Variants in CNOT9 observed in about 807,000 individuals in gnomAD.
The protein encoded by CNOT9 is RCD1 required for cell differentiation1 homolog.
Under a neutral mutation model 37.4 loss-of-function variants are expected in CNOT9, and 8 were observed. The ratio of observed to expected loss-of-function variants is 0.21; its 90% confidence interval spans 0.13 to 0.39. The LOEUF (loss-of-function observed/expected upper bound fraction) is 0.39. Ranked by LOEUF, CNOT9 falls within the 10% of genes least tolerant of loss-of-function variation. CNOT9 has a pLI of 1.00. For synonymous variants in CNOT9, 120 were observed against 137.6 expected (o/e 0.87, Z 0.90); for missense variants, 154 against 365.3 (o/e 0.42, Z 4.71).
intron 3 of CNOT9, 49 bp from the exon 4 acceptor site, chr2:218,584,563 C>T (rs1382335134): frequency 7.5e-7 from 1 of 1,337,756 alleles, no homozygotes; most frequent in Non-Finnish European, 1.1e-6. Flanking sequence ...AGTTCAGGAT[C>T]CTTAGAAATC....
At chr2:218,593,479 A>G in intron 7 of CNOT9, 2 of 1,194,912 alleles carry the variant, frequency 1.7e-6, no homozygotes, top group Non-Finnish European at 2.3e-6. Flanking sequence ...CAAAAACTAT[A>G]ACTTTGTTTA....
At chr2:218,569,076 T>C (rs1693844958) in intron 1 of CNOT9, 98 bp downstream of exon 1, 14 of 1,355,720 alleles carry the variant, frequency 1.0e-5, no homozygotes, top group Non-Finnish European at 1.3e-5. Context: ...CCTAGTCTGA[T>C]TTTTTTCTGC....
chr2:218,573,986 T>C (rs1389339078), intron 1 of CNOT9: 2 of 432,572 alleles, frequency 4.6e-6, no homozygotes, highest in Admixed American at 5.1e-5. Context: ...TTTTATGTTT[T>C]TGAGACAGGA....
chr2:218,569,630 G>A (rs555550088), intron 1 of CNOT9, among the ~76,000 whole-genome samples: 1 of 152,280 alleles, frequency 6.6e-6, no homozygotes, highest in Non-Finnish European at 1.5e-5. Context: ...GTATGATGTG[G>A]TACTTAACCC....
chr2:218,572,683 A>G, intron 1 of CNOT9: 1 of 985,374 alleles, frequency 1.0e-6, no homozygotes, highest in Non-Finnish European at 1.2e-6. Flanking sequence ...TCTGTAATGG[A>G]TGTTATGCTT....
At chr2:218,593,589 A>T (rs1331585579) in intron 7 of CNOT9, 1 of 1,494,798 alleles carries the variant, frequency 6.7e-7, no homozygotes, top group East Asian at 2.5e-5. Flanking sequence ...TTAAAAGTTC[A>T]TCTGATAATA....
intron 4 of CNOT9, among the ~76,000 whole-genome samples, chr2:218,586,828 A>C (rs1694611857): frequency 6.6e-6 from 1 of 152,096 alleles, no homozygotes; most frequent in Non-Finnish European, 1.5e-5. Flanking sequence ...ATGAGACAAT[A>C]AATTTCAGTT....
intron 1 of CNOT9, chr2:218,573,929 C>CA: frequency 3.1e-6 from 1 of 320,160 alleles, no homozygotes; most frequent in South Asian, 2.3e-5. Context: ...AGTTTTTTAA[C>CA]ACACTTATTA....
chr2:218,593,423 G>A (rs1449785300), intron 7 of CNOT9: 4 of 617,488 alleles, frequency 6.5e-6, no homozygotes, highest in Non-Finnish European at 7.6e-6. Flanking sequence ...GTTTAAAAAT[G>A]TGTTTATTTA....
Position 218,594,443 on chromosome 2 carries a change from C to T in CNOT9, c.*167C>T. On this transcript the variant is annotated 3_prime_UTR_variant, in exon 8 of 8. Transcript: ENST00000273064. ...CCTGCTGAGGTGTATGGGCTGCCAT[C>T]TCAGGCTGTCTTGAGGACCTGGGCT... 1.3e-6 allele frequency: 1 copy of T among 747,850 alleles called. No individual in the cohort carries two copies. The highest frequency in any genetic ancestry group is 2.8e-5 in the East Asian group (1 of 36,072). The allele number at this position is 747,850 out of a possible 1,614,324, so 46.3% of individuals were successfully genotyped here. A position where few individuals can be genotyped will look rare whatever the true frequency, so the allele number is the denominator to read the frequency against.
At chr2:218,574,434 A>T (rs1694099967) in intron 1 of CNOT9, among the ~76,000 whole-genome samples, 1 of 152,180 alleles carries the variant, frequency 6.6e-6, no homozygotes, top group Non-Finnish European at 1.5e-5. Context: ...CCAGCTGTTA[A>T]TGAGTTCTGT....
chr2:218,572,787 C>G, intron 1 of CNOT9: 1 of 644,264 alleles, frequency 1.6e-6, no homozygotes, highest in East Asian at 1.4e-4. Flanking sequence ...TCTAGCATCC[C>G]TAAACACTTG....
At chr2:218,580,395 T>G (rs1017991937) in intron 1 of CNOT9, among the ~76,000 whole-genome samples, 166 bp from the exon 2 acceptor site, 2 of 152,242 alleles carry the variant, frequency 1.3e-5, no homozygotes, top group African/African-American at 4.8e-5. Context: ...TTTTAGATTT[T>G]CATCAGTAAC....
chr2:218,593,856 T>C lies in CNOT9; in HGVS notation c.732-252T>C, dbSNP rs982688111. The C allele has an allele frequency of 3.3e-6, 4 of 1,218,896 alleles. No homozygotes were observed. In the East Asian group the frequency reaches 8.2e-5, roughly 25 times the overall value. 75.5% of individuals were successfully genotyped at this position (1,218,896 alleles called of 1,614,324 possible). Reference sequence around the variant, plus strand: ...AAGCTGTTTGAATGGAAGTAAACTATTGAACCTTTTAATTTTGCTTTTTCA... The same window carrying C: ...AAGCTGTTTGAATGGAAGTAAACTACTGAACCTTTTAATTTTGCTTTTTCA... On this transcript the variant is annotated intron_variant, in intron 7 of 7. Coordinates refer to ENST00000273064, the MANE Select transcript of CNOT9 (RefSeq NM_005444.3).
chr2:218,588,878 A>G (rs185287570), intron 5 of CNOT9, among the ~76,000 whole-genome samples: 2 of 151,688 alleles, frequency 1.3e-5, no homozygotes, highest in Admixed American at 1.3e-4. Flanking sequence ...CCCAGCCTCA[A>G]TTTTTTTCTG....
In CNOT9 at chr2:218,592,077, A is replaced by G. The variant is rs909972354; in HGVS notation, c.541-227A>G. Among the ~76,000 whole-genome samples, 4 of 152,202 alleles carry G rather than the reference A, an allele frequency of 2.6e-5. No individual in the cohort carries two copies. The highest frequency in any genetic ancestry group is 7.2e-5 in the African/African-American group (3 of 41,450). On this transcript the variant is annotated intron_variant, in intron 5 of 7. Transcript: ENST00000273064. This position sits in a 1 kb window ranked among gnomAD's most constrained non-coding sequence, Gnocchi z 4.1. ...CTCATTGATTTATTATAAAAATAAG[A>G]TAAGCATGTAAAGCCTCTAGAAAAA...
intron 1 of CNOT9, among the ~76,000 whole-genome samples, chr2:218,577,277 T>G (rs1044225586): frequency 1.4e-4 from 22 of 152,176 alleles, no homozygotes; most frequent in African/African-American, 4.3e-4. Context: ...TTGGTGTAAC[T>G]TACTGCTGTT....
chr2:218,588,053 C>A (rs115819479), intron 5 of CNOT9, among the ~76,000 whole-genome samples: 405 of 152,188 alleles, frequency 2.7e-3, no homozygotes, highest in African/African-American at 9.4e-3. Context: ...TGTACTTTAA[C>A]CATGAATGAC....
At chr2:218,586,266 T>C (rs1472519631) in intron 4 of CNOT9, among the ~76,000 whole-genome samples, 3 of 152,144 alleles carry the variant, frequency 2.0e-5, no homozygotes, top group Non-Finnish European at 4.4e-5. Context: ...TACCCCCTCA[T>C]GTCATGGTAT....
Sources: allele counts gnomAD v4.1 joint callset (sites outside exome capture counted in the v4.1 genomes callset), GRCh38; gene constraint gnomAD v4.1.1; non-coding constraint Gnocchi (gnomAD v3.1); transcripts MANE v1.5; gene names NCBI Gene and HGNC (gene_info 2026-07-23, HGNC 2026-07-21).